KLHL25: variants seen among roughly 807,000 people sequenced by gnomAD.
KLHL25 encodes kelch-like protein 25.
A neutral mutation model predicts 30.0 loss-of-function variants in KLHL25; 41 were observed. The ratio of observed to expected loss-of-function variants is 1.37; its 90% CI spans 1.07 to 1.78. The LOEUF (loss-of-function observed/expected upper bound fraction) is 1.78, where lower values mean the gene tolerates loss of function less well. KLHL25 is among the 40% of genes most tolerant of loss of function. The probability of loss-of-function intolerance (pLI) is 0.00; values close to 1 mark genes in which losing one functional copy is unlikely to be tolerated. For synonymous variants in KLHL25, 399 were observed against 355.3 expected, an observed-to-expected ratio of 1.12 and a Z score of -1.38; for missense variants, 971 against 824.5, an observed-to-expected ratio of 1.18 and a Z score of -2.18.
chr15:85,775,321 A>G (rs1238427322), intron 1 of KLHL25, among the ~76,000 whole-genome samples: 1 of 152,194 alleles, frequency 6.6e-6, no homozygotes, highest in Non-Finnish European at 1.5e-5. Flanking sequence ...CACAAGACTT[A>G]GAGAGGAAAA....
intron 1 of KLHL25, among the ~76,000 whole-genome samples, chr15:85,772,410 G>A (rs1187796272): frequency 6.6e-6 from 1 of 152,272 alleles, no homozygotes; most frequent in Non-Finnish European, 1.5e-5. Context: ...CTGCCAGAGG[G>A]GAGGCTGGTT....
At position 85,760,135 on chromosome 15, in the gene KLHL25, C is replaced by G. The variant is rs2089571403; in HGVS notation, c.*901G>C. On this transcript the variant is annotated 3_prime_UTR_variant, in exon 3 of 3. Coordinates refer to ENST00000337975, the MANE Select transcript of KLHL25 (RefSeq NM_022480.4). ...ATCTGCAGGGGACACCCTGGGGTCCCTCTGCTGTCTCCAGCTCACAGCTGC... is the reference window on the plus strand; with the variant it reads ...ATCTGCAGGGGACACCCTGGGGTCCGTCTGCTGTCTCCAGCTCACAGCTGC... 6.6e-6 allele frequency: 1 copy of G among 152,294 alleles called. No individual in the cohort carries two copies. Among genetic ancestry groups the G allele is most frequent in the African/African-American group, 2.4e-5 (1 of 41,452 alleles). 9.4% of individuals were successfully genotyped at this position (152,294 alleles called of 1,614,324 possible). A position where few individuals can be genotyped will look rare whatever the true frequency, so the allele number is the denominator to read the frequency against.
chr15:85,780,129 C>A (rs1332335341), intron 1 of KLHL25, among the ~76,000 whole-genome samples: 1 of 152,160 alleles, frequency 6.6e-6, no homozygotes, highest in African/African-American at 2.4e-5. Context: ...ACATGCCAAC[C>A]CCCTCAGGTT....
chr15:85,769,110 C>T lies in KLHL25; in HGVS notation c.701G>A (p.Arg234His), dbSNP rs757379167. 1.4e-5 allele frequency: 23 copies of T among 1,606,704 alleles called. No homozygotes were observed. Among genetic ancestry groups the T allele is most frequent in the East Asian group, 1.3e-4 (6 of 44,738 alleles). ...PRKVHLPELL[R>H]SVRLALLPSD... ...CGGCAGCAAGGCCAGACGCACGCTG[C>T]GGAGGAGCTCGGGCAAGTGGACCTT... Residue 234 changes from arginine to histidine, a missense_variant, in exon 2 of 3, where the codon CGC becomes CAC. Transcript: ENST00000337975.
chr15:85,769,730 G>GAA lies in KLHL25; in HGVS notation c.80_81insTT (p.His28SerfsTer126). ...GGTGGGCCAGCACACAGTCCGGGTGGGAGGCCTTGTGGAAGAGGGTGACGT... is the reference window on the plus strand; with the variant it reads ...GGTGGGCCAGCACACAGTCCGGGTGGAAGAGGCCTTGTGGAAGAGGGTGACGT... On this transcript the variant is annotated frameshift_variant, in exon 2 of 3. Transcript: ENST00000337975. LOFTEE classifies it high-confidence loss of function. The GAA allele has an allele frequency of 6.2e-7, 1 of 1,613,864 alleles. No homozygotes were observed.
At chr15:85,793,012 A>G (rs184093583) in intron 1 of KLHL25, among the ~76,000 whole-genome samples, 4 of 152,128 alleles carry the variant, frequency 2.6e-5, no homozygotes, top group African/African-American at 4.8e-5. Context: ...CAATCAATCA[A>G]TCAGTCACAA....
chr15:85,759,470 C>G lies in KLHL25; in HGVS notation c.*1566G>C, dbSNP rs771459226. The G allele has an allele frequency of 2.0e-5, 3 of 152,490 alleles. No individual in the cohort carries two copies. Among genetic ancestry groups the G allele is most frequent in the Non-Finnish European group, 4.4e-5 (3 of 68,052 alleles). The allele number at this position is 152,490 out of a possible 1,614,324, so 9.4% of individuals were successfully genotyped here. On this transcript the variant is annotated 3_prime_UTR_variant, in exon 3 of 3. Transcript: ENST00000337975. Reference sequence around the variant, plus strand: ...CCCACGGGTCCAGGCACCCTCCCTGCAGTCCCCGCGGCCAGGCTCCTGAGT... The same window carrying G: ...CCCACGGGTCCAGGCACCCTCCCTGGAGTCCCCGCGGCCAGGCTCCTGAGT...
chr15:85,767,657 A>C (rs938668967), intron 2 of KLHL25, among the ~76,000 whole-genome samples: 6 of 152,174 alleles, frequency 3.9e-5, no homozygotes, highest in African/African-American at 1.4e-4. Flanking sequence ...CCTGGTGTCA[A>C]AAGTAAGAGC....
intron 1 of KLHL25, among the ~76,000 whole-genome samples, chr15:85,785,315 G>A (rs756276413): frequency 3.9e-5 from 6 of 152,012 alleles, no homozygotes; most frequent in Non-Finnish European, 5.9e-5. Context: ...GGATGGTCTC[G>A]ATCTCCTGAC....
At chr15:85,770,135 T>A (rs1356741129) in intron 1 of KLHL25, among the ~76,000 whole-genome samples, 1 of 152,200 alleles carries the variant, frequency 6.6e-6, no homozygotes, top group African/African-American at 2.4e-5. Context: ...TAAGAGAACA[T>A]GCAAACGGTG....
In KLHL25 at chr15:85,768,746, G is replaced by A. The variant is rs377270940; in HGVS notation, c.1065C>T (p.Ser355=). 5.0e-6 allele frequency: 8 copies of A among 1,613,062 alleles called. No homozygotes were observed. The highest frequency in any genetic ancestry group is 6.8e-6 in the Non-Finnish European group (8 of 1,179,912). ...CGGTGTCGTACACCCAGACATCCTT[G>A]GAGACCCCGTTCTCGGAGCCCCTGC... The part of the protein sequence containing the change: ...TGGRGSENGV[S]KDVWVYDTVH... The change falls in exon 2 of 3, where the codon TCC becomes TCT. Residue 355 remains serine (S), a synonymous_variant. Transcript: ENST00000337975.
At position 85,759,337 on chromosome 15, in the gene KLHL25, C is replaced by A. The variant is rs1555468814; in HGVS notation, c.*1699G>T. The A allele has an allele frequency of 1.3e-5, 2 of 152,512 alleles. No individual in the cohort carries two copies. Among genetic ancestry groups the A allele is most frequent in the Non-Finnish European group, 2.9e-5 (2 of 68,066 alleles). The allele number at this position is 152,512 out of a possible 1,614,324, so 9.4% of individuals were successfully genotyped here. On this transcript the variant is annotated 3_prime_UTR_variant, in exon 3 of 3. Coordinates refer to ENST00000337975, the MANE Select transcript of KLHL25 (RefSeq NM_022480.4). ...AGGCAGGCAAAGAATTTTCTCAACT[C>A]TTTTTATTAAGTTAGAAAACTGATA...
chr15:85,788,710 C>A (rs1447791311), intron 1 of KLHL25, among the ~76,000 whole-genome samples: 1 of 152,200 alleles, frequency 6.6e-6, no homozygotes, highest in African/African-American at 2.4e-5. Flanking sequence ...ACCTGACTTT[C>A]TTTCCTCAGC....
rs779220352 is a variant in KLHL25 at position 85,769,249 on chromosome 15, G to C, written c.562C>G (p.Leu188Val). The change falls in exon 2 of 3, where the codon CTG becomes GTG. Residue 188 changes from leucine (L) to valine (V), a missense_variant. Physicochemically the swap from Leu to Val is conservative, Grantham distance 32. Coordinates refer to ENST00000337975, the MANE Select transcript of KLHL25 (RefSeq NM_022480.4). ...AGGTCCAGCAGTGTGTCCTTGGACA[G>C]GCTGTTGAAGTCCTCGCTCTGCCTC... ...TVRQSEDFNS[L>V]SKDTLLDLIS... The C allele has an allele frequency of 2.5e-6, 4 of 1,613,876 alleles. No homozygotes were observed. In the South Asian group the frequency reaches 4.4e-5, roughly 18 times the overall value.
intron 1 of KLHL25, among the ~76,000 whole-genome samples, chr15:85,770,131 A>C (rs1462844997): frequency 6.6e-6 from 1 of 152,192 alleles, no homozygotes; most frequent in Non-Finnish European, 1.5e-5. Context: ...TGGTTAAGAG[A>C]ACATGCAAAC....
intron 1 of KLHL25, among the ~76,000 whole-genome samples, chr15:85,772,133 A>C (rs2089679677): frequency 6.6e-6 from 1 of 151,624 alleles, no homozygotes. Flanking sequence ...GCCCCACCCC[A>C]CAGTGTCAGG....
intron 1 of KLHL25, among the ~76,000 whole-genome samples, chr15:85,773,380 G>A (rs2151808907): frequency 6.6e-6 from 1 of 152,378 alleles, no homozygotes; most frequent in Admixed American, 6.5e-5. Flanking sequence ...AGTGGTGAAT[G>A]CTGCCCAGGC....
chr15:85,779,894 T>A (rs926665595), intron 1 of KLHL25, among the ~76,000 whole-genome samples: 2 of 152,258 alleles, frequency 1.3e-5, no homozygotes, highest in East Asian at 3.8e-4. Context: ...GAAAAACTAA[T>A]GCCTTTTGCT....
At chr15:85,772,717 C>T (rs2089685303) in intron 1 of KLHL25, among the ~76,000 whole-genome samples, 1 of 152,218 alleles carries the variant, frequency 6.6e-6, no homozygotes, top group African/African-American at 2.4e-5. Flanking sequence ...TGAAACAGGG[C>T]AGCCACAATG....
Sources: allele counts gnomAD v4.1 joint callset (sites outside exome capture counted in the v4.1 genomes callset), GRCh38; gene constraint gnomAD v4.1.1; transcripts MANE v1.5; gene names NCBI Gene and HGNC (gene_info 2026-07-23, HGNC 2026-07-21).